Variants in STAM observed in about 807,000 individuals in gnomAD.
STAM encodes the protein signal transducing adaptor molecule, also known as signal transducing adapter molecule 1.
Under a neutral mutation model 63.4 loss-of-function variants are expected in STAM, and 16 were observed. That is an observed-to-expected ratio of 0.25 (90% confidence interval 0.17 to 0.38). STAM has a LOEUF of 0.38. STAM is among the 10% of genes least tolerant of loss of function. STAM has a pLI of 1.00. For missense variants in STAM, 636 were observed against 657.1 expected, an observed-to-expected ratio of 0.97 and a Z score of 0.35; for synonymous variants, 238 against 223.9, an observed-to-expected ratio of 1.06 and a Z score of -0.56.
chr10:17,670,500 A>C (rs1834592163), intron 2 of STAM, among the ~76,000 whole-genome samples: 1 of 152,186 alleles, frequency 6.6e-6, no homozygotes, highest in Admixed American at 6.6e-5. Context: ...TTATGAATCA[A>C]GACATACCAA....
intron 13 of STAM, among the ~76,000 whole-genome samples, chr10:17,714,320 C>A (rs935563344): frequency 6.6e-6 from 1 of 152,052 alleles, no homozygotes; most frequent in African/African-American, 2.4e-5. Flanking sequence ...CCACCCCCCC[C>A]AACTTTTTTT....
At position 17,715,401 on chromosome 10, in the gene STAM, A is replaced by ATG. The variant is rs1478165782; in HGVS notation, c.*629_*630dup. On this transcript the variant is annotated 3_prime_UTR_variant, in exon 14 of 14. Transcript: ENST00000377524. ...GTGAGCTAAAGAGATATATATATATATGTGTGTGTATATATATATATCTAC... is the reference window on the plus strand; with the variant it reads ...GTGAGCTAAAGAGATATATATATATATGTGTGTGTGTATATATATATATCTAC... 3 of 154,890 alleles carry ATG rather than the reference A, an allele frequency of 1.9e-5. No homozygotes were observed. Among genetic ancestry groups the ATG allele is most frequent in the South Asian group, 2.0e-4 (1 of 5,104 alleles). 9.6% of individuals were successfully genotyped at this position (154,890 alleles called of 1,614,324 possible). A position where few individuals can be genotyped will look rare whatever the true frequency, so the allele number is the denominator to read the frequency against.
At chr10:17,691,426 G>T (rs1254317037) in intron 5 of STAM, among the ~76,000 whole-genome samples, 1 of 152,178 alleles carries the variant, frequency 6.6e-6, no homozygotes, top group Non-Finnish European at 1.5e-5. Flanking sequence ...GCTGAGGCAG[G>T]AGAATGGTGT....
At chr10:17,678,599 A>G (rs2131618620) in intron 2 of STAM, among the ~76,000 whole-genome samples, 1 of 152,294 alleles carries the variant, frequency 6.6e-6, no homozygotes, top group South Asian at 2.1e-4. Context: ...TGTAGCTTGT[A>G]TTAGTACTTA....
chr10:17,709,062 A>G, intron 13 of STAM, 111 bp downstream of exon 13: 1 of 1,300,666 alleles, frequency 7.7e-7, no homozygotes, highest in Non-Finnish European at 1.1e-6. Context: ...GGTCAGCGTC[A>G]TGCGGCCGCC....
At chr10:17,648,236 C>A (rs2131553229) in intron 1 of STAM, among the ~76,000 whole-genome samples, 1 of 152,288 alleles carries the variant, frequency 6.6e-6, no homozygotes, top group South Asian at 2.1e-4. Context: ...TTGTAAAATG[C>A]ACCGATCAGT....
intron 1 of STAM, 56 bp from the exon 2 acceptor site, chr10:17,660,408 G>A (rs1834117489): frequency 8.5e-7 from 1 of 1,178,816 alleles, no homozygotes; most frequent in South Asian, 1.4e-5. Context: ...ATGTGATTAT[G>A]TATCTTTTAA....
chr10:17,675,653 G>A (rs782468775), intron 2 of STAM, among the ~76,000 whole-genome samples: 5 of 152,156 alleles, frequency 3.3e-5, no homozygotes, highest in African/African-American at 4.8e-5. Flanking sequence ...CACTAGGCTA[G>A]ACTATGAACT....
rs782789447 is a variant in STAM at position 17,644,239 on chromosome 10, C to G, written c.-101C>G. On this transcript the variant is annotated 5_prime_UTR_variant, in exon 1 of 14. Coordinates refer to ENST00000377524, the MANE Select transcript of STAM (RefSeq NM_003473.4). ...GTCGCGGACCCTGTAGAGTCGGTCT[C>G]TGTTGCTCTTTTTGCCTGAGGAGTC... 5.5e-5 allele frequency: 72 copies of G among 1,305,498 alleles called. No homozygotes were observed. The highest frequency in any genetic ancestry group is 7.5e-5 in the Non-Finnish European group (68 of 908,938). The allele number at this position is 1,305,498 out of a possible 1,614,324, so 80.9% of individuals were successfully genotyped here.
intron 11 of STAM, among the ~76,000 whole-genome samples, chr10:17,705,317 A>G (rs965347342): frequency 6.6e-6 from 1 of 152,236 alleles, no homozygotes; most frequent in African/African-American, 2.4e-5. Context: ...AGAGCTCACA[A>G]ATGACCCATA....
At chr10:17,667,275 C>T (rs761400021) in intron 2 of STAM, among the ~76,000 whole-genome samples, 15 of 152,012 alleles carry the variant, frequency 9.9e-5, no homozygotes, top group Non-Finnish European at 1.8e-4. Context: ...TACAGGTGAA[C>T]GCCACCATGC....
chr10:17,645,350 A>G (rs1419993357), intron 1 of STAM, among the ~76,000 whole-genome samples: 1 of 152,164 alleles, frequency 6.6e-6, no homozygotes, highest in East Asian at 1.9e-4. Flanking sequence ...GTGTATTTTA[A>G]TTATGAAAGG....
chr10:17,647,657 C>T (rs1462272930), intron 1 of STAM, among the ~76,000 whole-genome samples: 2 of 152,066 alleles, frequency 1.3e-5, no homozygotes, highest in African/African-American at 4.8e-5. Flanking sequence ...TCTCAGTTTC[C>T]TTATCTTTAA....
At chr10:17,665,336 A>G (rs1297208785) in intron 2 of STAM, among the ~76,000 whole-genome samples, 1 of 152,188 alleles carries the variant, frequency 6.6e-6, no homozygotes, top group Non-Finnish European at 1.5e-5. Context: ...CTCAAATGTT[A>G]AAACAATTTA....
intron 5 of STAM, among the ~76,000 whole-genome samples, chr10:17,691,511 C>CTGTCTCATAAAT (rs564421289): frequency 3.0e-4 from 45 of 151,866 alleles, no homozygotes; most frequent in Non-Finnish European, 5.0e-4. Context: ...GAGCGAGACT[C>CTGTCTCATAAAT]AAATAAATAA....
chr10:17,681,296 T>C (rs782523099), intron 2 of STAM, among the ~76,000 whole-genome samples: 5 of 151,900 alleles, frequency 3.3e-5, no homozygotes, highest in Non-Finnish European at 7.4e-5. Flanking sequence ...GTTTTCCTTT[T>C]CATTAATCTC....
At chr10:17,695,290 C>T (rs1554827357) in intron 7 of STAM, 49 bp downstream of exon 7, 2 of 1,534,504 alleles carry the variant, frequency 1.3e-6, no homozygotes, top group African/African-American at 2.7e-5. Flanking sequence ...TGTATGGCTT[C>T]TGTGTTTCAT....
chr10:17,716,688 C>G lies in STAM; in HGVS notation c.*1908C>G, dbSNP rs1006738657. Among the ~76,000 whole-genome samples the G allele has an allele frequency of 6.6e-6, 1 of 152,114 alleles. No homozygotes were observed. Among genetic ancestry groups the G allele is most frequent in the East Asian group, 1.9e-4 (1 of 5,186 alleles). ...TCATGCTGAAAATCAATGACATAGT[C>G]TCTACTATGATTTTTGCCCTATAAA... is the stretch of plus-strand genomic sequence containing the variant. On this transcript the variant is annotated 3_prime_UTR_variant, in exon 14 of 14. Coordinates refer to ENST00000377524, the MANE Select transcript of STAM (RefSeq NM_003473.4).
intron 2 of STAM, among the ~76,000 whole-genome samples, chr10:17,668,732 C>T (rs1834503411): frequency 6.6e-6 from 1 of 152,206 alleles, no homozygotes; most frequent in African/African-American, 2.4e-5. Context: ...CCTTTTCAGA[C>T]TGGCATCTTT....
Sources: allele counts gnomAD v4.1 joint callset (sites outside exome capture counted in the v4.1 genomes callset), GRCh38; gene constraint gnomAD v4.1.1; transcripts MANE v1.5; gene names NCBI Gene and HGNC (gene_info 2026-07-23, HGNC 2026-07-21).